The following PTK2 variants were observed in gnomAD, a reference collection of about 807,000 sequenced individuals.
PTK2 encodes protein tyrosine kinase 2.
A neutral mutation model predicts 150.1 loss-of-function variants in PTK2; 45 were observed. That is an observed-to-expected ratio of 0.30 (90% CI 0.24 to 0.38). PTK2 has a LOEUF of 0.38. Ranked by LOEUF, PTK2 falls within the 10% of genes least tolerant of loss-of-function variation. The probability of loss-of-function intolerance (pLI) is 1.00; values close to 1 mark genes in which losing one functional copy is unlikely to be tolerated. For missense variants in PTK2, 919 were observed against 1,307.3 expected (o/e 0.70, Z 4.58); for synonymous variants, 432 against 449.2 (o/e 0.96, Z 0.48).
chr8:140,823,467 CTT>C (rs5895648), intron 8 of PTK2, among the ~76,000 whole-genome samples: 84,191 of 151,376 alleles, frequency 0.56, 24,364 homozygotes, highest in African/African-American at 0.71. Context: ...AGAATCTGCT[CTT>C]GAGGTTAAAA....
At chr8:140,887,917 G>A (rs1011273668) in intron 3 of PTK2, among the ~76,000 whole-genome samples, 11 of 152,116 alleles carry the variant, frequency 7.2e-5, no homozygotes, top group African/African-American at 2.7e-4. Context: ...ACATGGCTAC[G>A]ATAATGGGCA....
Position 140,678,339 on chromosome 8 carries a change from C to T in PTK2, c.2563-2840G>A, listed in dbSNP as rs181549725. Among the ~76,000 whole-genome samples the T allele has an allele frequency of 3.7e-3, 556 of 152,258 alleles. 4 individuals carry two copies. The highest frequency in any genetic ancestry group is 7.0e-3 in the Non-Finnish European group (476 of 68,030). ...TTGGGATTACAGGCGTGAGCCACTG[C>T]GCCTGGCCCTTATTTTTATTTTTCT... On this transcript the variant is annotated intron_variant, in intron 27 of 31. Coordinates refer to ENST00000522684, the Ensembl canonical transcript of PTK2.
intron 3 of PTK2, among the ~76,000 whole-genome samples, chr8:140,881,838 T>C (rs559457568): frequency 6.6e-6 from 1 of 152,282 alleles, no homozygotes; most frequent in African/African-American, 2.4e-5. Flanking sequence ...AGAACTGTGG[T>C]ATCTGTTAGG....
intron 31 of PTK2, among the ~76,000 whole-genome samples, chr8:140,660,266 T>C (rs1321915035): frequency 2.6e-5 from 4 of 152,152 alleles, no homozygotes; most frequent in South Asian, 2.1e-4. Context: ...TCCAAACACT[T>C]TCACATTAGA....
chr8:140,750,617 G>A (rs1174176376), intron 17 of PTK2, among the ~76,000 whole-genome samples: 1 of 152,200 alleles, frequency 6.6e-6, no homozygotes, highest in Non-Finnish European at 1.5e-5. Context: ...CATAGGAAAG[G>A]AGGAAGAGGA....
At chr8:140,664,793 G>C (rs1246756709) in intron 31 of PTK2, 124 bp downstream of exon 35, 6 of 933,682 alleles carry the variant, frequency 6.4e-6, no homozygotes, top group Non-Finnish European at 1.0e-5. Flanking sequence ...GTCATCGCTT[G>C]TAGGGCAGTT....
At chr8:140,795,333 C>T (rs1000633306) in intron 12 of PTK2, among the ~76,000 whole-genome samples, 3 of 152,180 alleles carry the variant, frequency 2.0e-5, no homozygotes, top group Admixed American at 1.3e-4. Flanking sequence ...CCTGACCAGC[C>T]ACTGGCCCTG....
intron 1 of PTK2, among the ~76,000 whole-genome samples, chr8:140,976,543 C>A (rs1200932253): frequency 6.6e-6 from 1 of 152,226 alleles, no homozygotes; most frequent in Non-Finnish European, 1.5e-5. Context: ...AGGAAAGCAG[C>A]TGCAGTCACA....
At chr8:140,939,252 A>C (rs1206056549) in intron 1 of PTK2, among the ~76,000 whole-genome samples, 1 of 152,172 alleles carries the variant, frequency 6.6e-6, no homozygotes, top group Non-Finnish European at 1.5e-5. Flanking sequence ...AAAACTATAC[A>C]TTTTATTTTT....
intron 27 of PTK2, among the ~76,000 whole-genome samples, chr8:140,681,695 T>G (rs1028002396): frequency 6.6e-6 from 1 of 151,948 alleles, no homozygotes; most frequent in African/African-American, 2.4e-5. Flanking sequence ...GAGAATGGTG[T>G]GAACCCGGGA....
chr8:140,891,403 C>T (rs1439605432), intron 2 of PTK2, among the ~76,000 whole-genome samples: 1 of 152,112 alleles, frequency 6.6e-6, no homozygotes, highest in Non-Finnish European at 1.5e-5. Flanking sequence ...AGCCTAAACA[C>T]CCATCGAGAA....
At chr8:140,661,930 C>T (rs1340417889) in intron 31 of PTK2, among the ~76,000 whole-genome samples, 1 of 152,176 alleles carries the variant, frequency 6.6e-6, no homozygotes, top group Non-Finnish European at 1.5e-5. Flanking sequence ...TCAGGAAGTA[C>T]AATGGGGACA....
chr8:140,811,389 A>T (rs1473609683), intron 10 of PTK2, among the ~76,000 whole-genome samples: 1 of 152,202 alleles, frequency 6.6e-6, no homozygotes, highest in Admixed American at 6.5e-5. Flanking sequence ...ATCAAATAGG[A>T]TAAACAAACA....
At chr8:140,850,195 G>A (rs2100128328) in intron 5 of PTK2, among the ~76,000 whole-genome samples, 4 of 152,206 alleles carry the variant, frequency 2.6e-5, no homozygotes, top group Admixed American at 2.6e-4. Flanking sequence ...GGAGGCCGAG[G>A]TGGGTGGATC....
chr8:140,924,902 CA>C (rs2100168893), intron 2 of PTK2, among the ~76,000 whole-genome samples: 1 of 151,950 alleles, frequency 6.6e-6, no homozygotes, highest in East Asian at 1.9e-4. Context: ...ATTAGGGTTG[CA>C]AAAAATGTTA....
chr8:140,730,028 T>C (rs972775789), intron 22 of PTK2, among the ~76,000 whole-genome samples: 3 of 152,242 alleles, frequency 2.0e-5, no homozygotes, highest in Non-Finnish European at 4.4e-5. Context: ...GTTATTTCAA[T>C]GTTATAACTA....
At chr8:140,846,289 T>C in exon 7 of PTK2, 2 of 1,612,548 alleles carry the variant, frequency 1.2e-6, no homozygotes, top group South Asian at 2.2e-5. Context: ...ACTTCTTTTC[T>C]AGTGCATTGC....
intron 3 of PTK2, among the ~76,000 whole-genome samples, chr8:140,882,614 T>A (rs1600422800): frequency 6.6e-6 from 1 of 152,186 alleles, no homozygotes; most frequent in Admixed American, 6.5e-5. Flanking sequence ...TTTTCAAGGT[T>A]AAAATAAAAG....
At chr8:140,794,746 T>C (rs2100090622) in intron 12 of PTK2, among the ~76,000 whole-genome samples, 1 of 152,200 alleles carries the variant, frequency 6.6e-6, no homozygotes, top group African/African-American at 2.4e-5. Context: ...GAGAACCCAG[T>C]GCTCACACCT....
Sources: gnomAD v4.1 joint callset for allele counts (sites outside exome capture counted in the v4.1 genomes callset) on GRCh38, gnomAD v4.1.1 for gene constraint, MANE v1.5 for transcripts, NCBI Gene and HGNC (gene_info 2026-07-23, HGNC 2026-07-21) for gene names.